Variants in TRAPPC3L observed in about 807,000 individuals in gnomAD.
TRAPPC3L encodes the protein trafficking protein particle complex subunit 3-like protein.
A neutral mutation model predicts 23.7 loss-of-function variants in TRAPPC3L; 23 were observed. The observed-to-expected ratio is 0.97, with a 90% confidence interval of 0.70 to 1.37. The LOEUF is 1.37. Ranked by LOEUF, TRAPPC3L falls within the 40% of genes most tolerant of loss-of-function variation. The pLI, the probability that TRAPPC3L is intolerant of heterozygous loss-of-function variation, is 0.00. For synonymous variants in TRAPPC3L, 81 were observed against 77.9 expected, an observed-to-expected ratio of 1.04 and a Z score of -0.21; for missense variants, 212 against 216.8, an observed-to-expected ratio of 0.98 and a Z score of 0.14.
At chr6:116,524,432 T>G (rs1166146756) in intron 3 of TRAPPC3L, 1 of 152,226 alleles carries the variant, frequency 6.6e-6, no homozygotes, top group South Asian at 2.1e-4. Context: ...AGGAATGCTA[T>G]TCTCTGAATT....
chr6:116,543,407 A>G lies in TRAPPC3L; in HGVS notation c.43-7T>C, dbSNP rs4142087. On this transcript the variant is annotated splice_polypyrimidine_tract_variant and splice_region_variant and intron_variant, in intron 1 of 4. Transcript: ENST00000368602. ...GGACAAAGAGATCTTTATTCTGGAG[A>G]AAAAGGGGTAGTTTCTGGTTATAGG... 1 of 1,544,426 alleles carries G rather than the reference A, an allele frequency of 6.5e-7. No homozygotes were observed. Among genetic ancestry groups the G allele is most frequent in the Non-Finnish European group, 8.8e-7 (1 of 1,142,856 alleles).
chr6:116,527,514 C>CAAA (rs1278493166), intron 3 of TRAPPC3L, among the ~76,000 whole-genome samples: 7 of 24,496 alleles, frequency 2.9e-4, no homozygotes, highest in Non-Finnish European at 5.0e-4. Context: ...GACTCCGTCT[C>CAAA]AAAACAAAAA....
intron 3 of TRAPPC3L, among the ~76,000 whole-genome samples, chr6:116,511,183 G>GATATATATATATATATAT (rs59420398): frequency 3.3e-4 from 46 of 141,500 alleles, no homozygotes; most frequent in East Asian, 4.1e-4. Context: ...AAAAGCTATT[G>GATATATATATATATATAT]ATATATATAT....
At chr6:116,510,774 C>T (rs1055713854) in intron 3 of TRAPPC3L, among the ~76,000 whole-genome samples, 9 of 151,884 alleles carry the variant, frequency 5.9e-5, no homozygotes, top group South Asian at 4.2e-4. Context: ...AAGTACCCAT[C>T]AACTGATGAA....
intron 3 of TRAPPC3L, among the ~76,000 whole-genome samples, chr6:116,504,121 A>G (rs970854847): frequency 6.6e-6 from 1 of 152,182 alleles, no homozygotes; most frequent in Admixed American, 6.5e-5. Context: ...AACAAAATAG[A>G]TCTACCGCTA....
chr6:116,514,490 C>G (rs1052567027), intron 3 of TRAPPC3L, among the ~76,000 whole-genome samples: 1 of 152,200 alleles, frequency 6.6e-6, no homozygotes, highest in African/African-American at 2.4e-5. Context: ...ATAATATTAG[C>G]TAAAACTTAA....
chr6:116,512,488 TACTTAAGTACTTTAAA>T, intron 3 of TRAPPC3L: 1 of 432,492 alleles, frequency 2.3e-6, no homozygotes, highest in Non-Finnish European at 4.2e-6. Flanking sequence ...CACATATAAA[TACTTAAGTACTTTAAA>T]ACAGTCTCTC....
At chr6:116,531,490 T>C (rs1170964264) in intron 3 of TRAPPC3L, among the ~76,000 whole-genome samples, 3 of 152,068 alleles carry the variant, frequency 2.0e-5, no homozygotes, top group African/African-American at 4.8e-5. Flanking sequence ...CACAAAGACT[T>C]GCTGCTGAGG....
intron 4 of TRAPPC3L, among the ~76,000 whole-genome samples, chr6:116,498,491 G>A (rs1346859540): frequency 1.3e-5 from 2 of 152,184 alleles, no homozygotes; most frequent in African/African-American, 4.8e-5. Context: ...TCATTATTAG[G>A]TAGCTCAATA....
chr6:116,517,392 T>C (rs1772249128), intron 3 of TRAPPC3L: 1 of 152,196 alleles, frequency 6.6e-6, no homozygotes, highest in Non-Finnish European at 1.5e-5. Context: ...TATGTACATA[T>C]ATATGTGTAT....
intron 3 of TRAPPC3L, chr6:116,519,038 G>T (rs1166036936): frequency 6.6e-6 from 1 of 152,234 alleles, no homozygotes; most frequent in Non-Finnish European, 1.5e-5. Context: ...GAGTAAGATA[G>T]GGAGAGCAAA....
rs41313944 is a variant in TRAPPC3L at position 116,511,620 on chromosome 6, A to G, written c.241-10954T>C. On this transcript the variant is annotated intron_variant, in intron 3 of 4. Coordinates refer to ENST00000368602, the MANE Select transcript of TRAPPC3L (RefSeq NM_001139444.3). ...GGACTGTTGTTTCTGATGAAGAAAG[A>G]GCTCCACCCTCGGCCACTGCCACAG... The G allele has an allele frequency of 2.7e-3, 3,661 of 1,338,210 alleles. 7 individuals carry two copies. The highest frequency in any genetic ancestry group is 3.6e-3 in the Non-Finnish European group (3,439 of 965,428). 82.9% of individuals were successfully genotyped at this position (1,338,210 alleles called of 1,614,324 possible). A position where few individuals can be genotyped will look rare whatever the true frequency, so the allele number is the denominator to read the frequency against.
intron 3 of TRAPPC3L, chr6:116,524,527 G>A (rs1051255609): frequency 3.9e-5 from 6 of 152,204 alleles, no homozygotes; most frequent in Admixed American, 2.0e-4. Context: ...TGTATTGTAA[G>A]CATTACTTCA....
In TRAPPC3L at chr6:116,495,792, C is replaced by G. The variant is rs981815179; in HGVS notation, c.*1162G>C. On this transcript the variant is annotated 3_prime_UTR_variant, in exon 5 of 5. Transcript: ENST00000368602. Reference sequence around the variant, plus strand: ...TGATGTTGAGCACCTTTTCATATACCTGTTTGCCATTTGTATGTGTATGTC... The same window carrying G: ...TGATGTTGAGCACCTTTTCATATACGTGTTTGCCATTTGTATGTGTATGTC... The G allele has an allele frequency of 6.6e-6, 1 of 152,136 alleles. No individual in the cohort carries two copies. Among genetic ancestry groups the G allele is most frequent in the Non-Finnish European group, 1.5e-5 (1 of 68,032 alleles). The allele number at this position is 152,136 out of a possible 1,614,324, so 9.4% of individuals were successfully genotyped here.
intron 3 of TRAPPC3L, among the ~76,000 whole-genome samples, chr6:116,513,921 T>C (rs6919880): frequency 0.013 from 2,036 of 152,296 alleles, 50 homozygotes; most frequent in African/African-American, 0.046. Context: ...GAACTAGTGG[T>C]TCGACCTCTT....
At chr6:116,524,120 A>G (rs930102729) in intron 3 of TRAPPC3L, 7 of 152,252 alleles carry the variant, frequency 4.6e-5, no homozygotes, top group African/African-American at 1.4e-4. Flanking sequence ...ATATTTAAAT[A>G]TTTATGTGTG....
chr6:116,499,148 C>CATCT (rs1771875122), intron 4 of TRAPPC3L, among the ~76,000 whole-genome samples: 1 of 152,184 alleles, frequency 6.6e-6, no homozygotes, highest in African/African-American at 2.4e-5. Context: ...ATAGTACAAC[C>CATCT]ATCTCTACAG....
intron 3 of TRAPPC3L, among the ~76,000 whole-genome samples, chr6:116,526,496 C>G (rs1327531548): frequency 2.6e-5 from 4 of 152,126 alleles, no homozygotes; most frequent in Non-Finnish European, 5.9e-5. Context: ...GTGCCTTATT[C>G]CCAGAGACCA....
chr6:116,507,005 G>A (rs1461537001), intron 3 of TRAPPC3L, among the ~76,000 whole-genome samples: 1 of 151,990 alleles, frequency 6.6e-6, no homozygotes, highest in Admixed American at 6.6e-5. Flanking sequence ...AGAACTTAAA[G>A]TATAAAAATA....
Sources: gnomAD v4.1 joint callset for allele counts (sites outside exome capture counted in the v4.1 genomes callset) on GRCh38, gnomAD v4.1.1 for gene constraint, MANE v1.5 for transcripts, NCBI Gene and HGNC (gene_info 2026-07-23, HGNC 2026-07-21) for gene names.